SH3RF2: variants seen among roughly 807,000 people sequenced by gnomAD.
The protein encoded by SH3RF2 is E3 ubiquitin-protein ligase SH3RF2.
A neutral mutation model predicts 59.0 loss-of-function variants in SH3RF2; 43 were observed. The observed-to-expected ratio is 0.73, with a 90% CI of 0.57 to 0.94. SH3RF2 has a LOEUF of 0.94. SH3RF2 is among the 40% of genes least tolerant of loss of function. The pLI is 0.00. For synonymous variants in SH3RF2, 391 were observed against 391.5 expected (o/e 1.00, Z 0.01); for missense variants, 930 against 940.1 (o/e 0.99, Z 0.14).
intron 5 of SH3RF2, among the ~76,000 whole-genome samples, chr5:146,031,772 A>C (rs11742574): frequency 0.3 from 45,386 of 152,102 alleles, 7,956 homozygotes; most frequent in Non-Finnish European, 0.39. Flanking sequence ...ATTCTCTCAG[A>C]AGGACAAAAT....
Position 146,062,464 on chromosome 5 carries a change from T to G in SH3RF2, c.1953T>G (p.Pro651=). The G allele has an allele frequency of 3.1e-6, 5 of 1,614,138 alleles. No individual in the cohort carries two copies. Among genetic ancestry groups the G allele is most frequent in the Non-Finnish European group, 4.2e-6 (5 of 1,180,014 alleles). ...KTVRFQNYSP[P]PTKHYTSHPT... Reference sequence around the variant, plus strand: ...TGAGATTTCAGAATTACAGCCCTCCTCCCACCAAACATTACACCTCCCATC... The same window carrying G: ...TGAGATTTCAGAATTACAGCCCTCCGCCCACCAAACATTACACCTCCCATC... The change falls in exon 10 of 10, where the codon CCT becomes CCG. Residue 651 remains proline, a synonymous_variant. Coordinates refer to ENST00000359120, the MANE Select transcript of SH3RF2 (RefSeq NM_152550.4).
At chr5:145,936,730 C>T (rs1378677422) in intron 1 of SH3RF2, 36 bp downstream of exon 1, 6 of 152,484 alleles carry the variant, frequency 3.9e-5, no homozygotes, top group Middle Eastern at 3.1e-3. Context: ...AGCCCGCTGC[C>T]GCGCTGACAT....
intron 2 of SH3RF2, among the ~76,000 whole-genome samples, chr5:145,939,731 TCTCAAACATGC>T (rs989093747): frequency 6.6e-6 from 1 of 152,126 alleles, no homozygotes; most frequent in Non-Finnish European, 1.5e-5. Context: ...AGCAAATTGT[TCTCAAACATGC>T]CTTGTTTGTA....
chr5:145,988,378 C>T (rs1759799491), intron 2 of SH3RF2, among the ~76,000 whole-genome samples: 1 of 151,772 alleles, frequency 6.6e-6, no homozygotes, highest in African/African-American at 2.4e-5. Context: ...ATTCTAAGGA[C>T]TTAGAGGTTA....
chr5:145,961,174 C>CTTTTTTTTTT (rs869156939), intron 2 of SH3RF2, among the ~76,000 whole-genome samples: 1 of 90,958 alleles, frequency 1.1e-5, no homozygotes, highest in Non-Finnish European at 2.1e-5. Context: ...CTGCATCCTC[C>CTTTTTTTTTT]TTTTTTTTTT....
chr5:146,044,604 G>A (rs562108426), intron 5 of SH3RF2, among the ~76,000 whole-genome samples: 1 of 152,216 alleles, frequency 6.6e-6, no homozygotes, highest in Non-Finnish European at 1.5e-5. Flanking sequence ...TCTTATGAAT[G>A]TATTGTGAGA....
chr5:145,961,416 G>C (rs1758627053), intron 2 of SH3RF2, among the ~76,000 whole-genome samples: 1 of 152,120 alleles, frequency 6.6e-6, no homozygotes, highest in Admixed American at 6.6e-5. Flanking sequence ...GAGCTGAGGA[G>C]AGAGATAATA....
chr5:145,975,781 G>A (rs983526353), intron 2 of SH3RF2, among the ~76,000 whole-genome samples: 2 of 152,266 alleles, frequency 1.3e-5, no homozygotes, highest in African/African-American at 4.8e-5. Context: ...TACTGGGGCA[G>A]TGCCTAGCTG....
intron 2 of SH3RF2, among the ~76,000 whole-genome samples, chr5:145,993,516 A>G (rs1021385178): frequency 3.3e-5 from 5 of 152,208 alleles, no homozygotes; most frequent in African/African-American, 1.2e-4. Context: ...CATCTTCTGA[A>G]ATCTAGGCAG....
intron 3 of SH3RF2, 40 bp downstream of exon 3, chr5:146,000,367 G>A (rs750349242): frequency 5.2e-5 from 82 of 1,587,548 alleles, no homozygotes; most frequent in Admixed American, 1.5e-4. Context: ...CTGGGACCAC[G>A]TAGAGACCAT....
rs540403284 is a variant in SH3RF2 at position 145,991,954 on chromosome 5, G to A, written c.379-8104G>A. On this transcript the variant is annotated intron_variant, in intron 2 of 9. Transcript: ENST00000359120. ...AGCATCAAACTTGGTGAGGGAGCTTGATAAAAATGCAGCTACTTGAATCCT... is the reference window on the plus strand; with the variant it reads ...AGCATCAAACTTGGTGAGGGAGCTTAATAAAAATGCAGCTACTTGAATCCT... Among the ~76,000 whole-genome samples, 22 of 152,306 alleles carry A rather than the reference G, an allele frequency of 1.4e-4. 3 individuals are homozygous for A. Among genetic ancestry groups the A allele is most frequent in the African/African-American group, 5.1e-4 (21 of 41,564 alleles).
intron 2 of SH3RF2, among the ~76,000 whole-genome samples, chr5:145,989,445 G>A (rs563892717): frequency 9.9e-5 from 15 of 152,282 alleles, no homozygotes; most frequent in African/African-American, 2.2e-4. Context: ...TTCATCAAGC[G>A]TTTCTTAAAC....
At position 146,027,598 on chromosome 5, in the gene SH3RF2, G is replaced by T. The variant is rs189205385; in HGVS notation, c.1059+13537G>T. On this transcript the variant is annotated intron_variant, in intron 5 of 9. Coordinates refer to ENST00000359120, the MANE Select transcript of SH3RF2 (RefSeq NM_152550.4). Reference sequence around the variant, plus strand: ...TACTTGATTACAAGGTATTAAGCGTGCAAAGTGCTAGTGAGGTTCAATTAT... The same window carrying T: ...TACTTGATTACAAGGTATTAAGCGTTCAAAGTGCTAGTGAGGTTCAATTAT... Among the ~76,000 whole-genome samples the T allele has an allele frequency of 1.6e-3, 244 of 152,342 alleles. 1 individual carries two copies. Among genetic ancestry groups the T allele is most frequent in the African/African-American group, 5.5e-3 (230 of 41,574 alleles).
At chr5:145,984,029 T>A (rs1759606425) in intron 2 of SH3RF2, among the ~76,000 whole-genome samples, 1 of 152,290 alleles carries the variant, frequency 6.6e-6, no homozygotes, top group East Asian at 1.9e-4. Flanking sequence ...TGGGTTTAAC[T>A]GGCATAGTGT....
chr5:146,071,443 A>G (rs1763239280), intron 9 of SH3RF2, among the ~76,000 whole-genome samples: 2 of 152,244 alleles, frequency 1.3e-5, no homozygotes, highest in Admixed American at 6.5e-5. Flanking sequence ...GGCTAATTTT[A>G]GATATCAGAA....
Position 146,014,080 on chromosome 5 carries a change from G to A in SH3RF2, c.1059+19G>A. 1.9e-6 allele frequency: 3 copies of A among 1,607,612 alleles called. No individual in the cohort carries two copies. The highest frequency in any genetic ancestry group is 2.5e-6 in the Non-Finnish European group (3 of 1,178,506). ...GGGACAGGTAGGGAAGAAACGCCTGGGATGAGGGCACTTTGGAGTTGGGCA... is the reference window on the plus strand; with the variant it reads ...GGGACAGGTAGGGAAGAAACGCCTGAGATGAGGGCACTTTGGAGTTGGGCA... On this transcript the variant is annotated intron_variant, in intron 5 of 9. Transcript: ENST00000359120.
intron 9 of SH3RF2, among the ~76,000 whole-genome samples, chr5:146,076,590 C>T (rs1763345905): frequency 6.6e-6 from 1 of 152,238 alleles, no homozygotes; most frequent in South Asian, 2.1e-4. Context: ...GGAATGCCTG[C>T]TTCTCCCGCT....
chr5:146,042,094 G>A (rs1036926021), intron 5 of SH3RF2, among the ~76,000 whole-genome samples: 2 of 152,088 alleles, frequency 1.3e-5, no homozygotes, highest in Non-Finnish European at 2.9e-5. Context: ...CCCCATACCC[G>A]CCAAGTTACC....
At chr5:146,055,406 C>G (rs558691181) in intron 7 of SH3RF2, among the ~76,000 whole-genome samples, 15 of 152,290 alleles carry the variant, frequency 9.8e-5, no homozygotes, top group South Asian at 4.1e-4. Context: ...GGGCAAAGCA[C>G]TTGGCCAATA....
Sources: allele counts gnomAD v4.1 joint callset (sites outside exome capture counted in the v4.1 genomes callset), GRCh38; gene constraint gnomAD v4.1.1; transcripts MANE v1.5; gene names NCBI Gene and HGNC (gene_info 2026-07-23, HGNC 2026-07-21).